Variants in SMIM14 observed in about 807,000 individuals in gnomAD.
The protein encoded by SMIM14 is small integral membrane protein 14, also known as chromosome 4 open reading frame 34.
SMIM14 carries 5 observed loss-of-function variants against 12.6 expected under a neutral mutation model. The ratio of observed to expected loss-of-function variants is 0.40; its 90% CI spans 0.21 to 0.83. SMIM14 has a LOEUF of 0.83. Ranked by LOEUF, SMIM14 falls within the 40% of genes least tolerant of loss-of-function variation. The pLI, the probability that SMIM14 is intolerant of heterozygous loss-of-function variation, is 0.37. For missense variants in SMIM14, 86 were observed against 119.1 expected, an observed-to-expected ratio of 0.72 and a Z score of 1.29; for synonymous variants, 30 against 40.1, an observed-to-expected ratio of 0.75 and a Z score of 0.95.
intron 1 of SMIM14, among the ~76,000 whole-genome samples, chr4:39,611,638 G>A (rs1457657175): frequency 1.3e-5 from 2 of 151,980 alleles, no homozygotes; most frequent in African/African-American, 4.8e-5. Flanking sequence ...TGCCCAGCCT[G>A]GGCAACAGAG....
At chr4:39,576,660 G>GTATATATATATATATATATATA (rs1298743756) in intron 2 of SMIM14, among the ~76,000 whole-genome samples, 3 of 72,378 alleles carry the variant, frequency 4.1e-5, no homozygotes, top group African/African-American at 1.8e-4. Flanking sequence ...GTGTGTATGT[G>GTATATATATATATATATATATA]TATATATATA....
At chr4:39,576,652 GTGTA>G (rs535665584) in intron 2 of SMIM14, among the ~76,000 whole-genome samples, 489 of 30,132 alleles carry the variant, frequency 0.016, 25 homozygotes, top group African/African-American at 0.044. Context: ...CTATGTGTGT[GTGTA>G]TGTGTATATA....
intron 2 of SMIM14, among the ~76,000 whole-genome samples, chr4:39,603,411 T>C (rs1332796785): frequency 6.6e-6 from 1 of 151,704 alleles, no homozygotes; most frequent in Non-Finnish European, 1.5e-5. Flanking sequence ...TACAAAAAAT[T>C]AGCTGGGCAT....
chr4:39,592,010 C>T (rs1714110085), intron 2 of SMIM14, among the ~76,000 whole-genome samples: 1 of 150,514 alleles, frequency 6.6e-6, no homozygotes, highest in Admixed American at 6.7e-5. Context: ...GTAGGCAACA[C>T]AGTGAGACCC....
intron 1 of SMIM14, among the ~76,000 whole-genome samples, chr4:39,624,814 T>G (rs1715626975): frequency 1.3e-5 from 1 of 76,046 alleles, no homozygotes; most frequent in Admixed American, 1.7e-4. Flanking sequence ...AGACACCATC[T>G]CGAAAAAAAA....
chr4:39,567,369 C>T (rs891684012), intron 3 of SMIM14, among the ~76,000 whole-genome samples: 3 of 151,654 alleles, frequency 2.0e-5, no homozygotes, highest in Admixed American at 6.6e-5. Flanking sequence ...TTTGGGAGGC[C>T]AAGGCAGGTG....
chr4:39,569,942 C>T (rs191030877), intron 3 of SMIM14, among the ~76,000 whole-genome samples: 13 of 152,126 alleles, frequency 8.5e-5, no homozygotes, highest in African/African-American at 3.1e-4. Flanking sequence ...CCATTAGTTT[C>T]CTCCCAAATA....
rs541644566 is a variant in SMIM14, at chr4:39,630,705, T to TA, written c.-36+8033dup. ...GGTGAAACCCCATCTCTACTAAAAA[T>TA]ACAAAAATTAGCTGAGCATGGTGGT... On this transcript the variant is annotated intron_variant, in intron 1 of 4. Transcript: ENST00000295958. Among the ~76,000 whole-genome samples the TA allele has an allele frequency of 7.6e-4, 116 of 151,688 alleles. 1 individual carries two copies. Among genetic ancestry groups the TA allele is most frequent in the African/African-American group, 2.8e-3 (114 of 41,402 alleles).
chr4:39,557,624 T>A (rs1282814291), intron 3 of SMIM14, among the ~76,000 whole-genome samples: 1 of 152,174 alleles, frequency 6.6e-6, no homozygotes, highest in Non-Finnish European at 1.5e-5. Context: ...CCTTCATGAT[T>A]GTTCTTTTTG....
chr4:39,601,447 C>T (rs1714608311), intron 2 of SMIM14, among the ~76,000 whole-genome samples: 2 of 152,208 alleles, frequency 1.3e-5, no homozygotes, highest in Non-Finnish European at 2.9e-5. Context: ...TAAATCTGTT[C>T]TGTCATTATA....
At position 39,548,869 on chromosome 4, in the gene SMIM14, A is replaced by G. The variant is rs1470623756; in HGVS notation, c.*3257T>C. 6.6e-6 allele frequency: 1 copy of G among 152,200 alleles called. No individual in the cohort carries two copies. The highest frequency in any genetic ancestry group is 1.5e-5 in the Non-Finnish European group (1 of 68,038). 9.4% of individuals were successfully genotyped at this position (152,200 alleles called of 1,614,324 possible). A position where few individuals can be genotyped will look rare whatever the true frequency, so the allele number is the denominator to read the frequency against. ...TGTAGATGTAATGTCAACTAAGTGC[A>G]TGTGACAGAAATGAAGAACTAGGAA... is the stretch of plus-strand genomic sequence containing the variant. On this transcript the variant is annotated 3_prime_UTR_variant, in exon 5 of 5. Transcript: ENST00000295958.
At position 39,638,601 on chromosome 4, in the gene SMIM14, G is replaced by A. The variant is rs1458205673; in HGVS notation, c.-36+138C>T. 6.1e-6 allele frequency: 6 copies of A among 978,064 alleles called. No homozygotes were observed. In the East Asian group the frequency reaches 4.6e-4, roughly 74 times the overall value. The allele number at this position is 978,064 out of a possible 1,614,324, so 60.6% of individuals were successfully genotyped here. A position where few individuals can be genotyped will look rare whatever the true frequency, so the allele number is the denominator to read the frequency against. On this transcript the variant is annotated intron_variant, in intron 1 of 4. Transcript: ENST00000295958. ...GGTGCAGAATCGCCAGCCCGGCCGA[G>A]GAAACGCCAAGCCCGAGAAACAGCC...
chr4:39,588,479 A>T (rs1370428706), intron 2 of SMIM14, among the ~76,000 whole-genome samples: 1 of 152,184 alleles, frequency 6.6e-6, no homozygotes, highest in African/African-American at 2.4e-5. Flanking sequence ...TGTGCCTTTT[A>T]TGTCTTCCAG....
chr4:39,599,663 C>A (rs893015568), intron 2 of SMIM14, among the ~76,000 whole-genome samples: 4 of 152,138 alleles, frequency 2.6e-5, no homozygotes, highest in Non-Finnish European at 1.5e-5. Flanking sequence ...GTGGCTCACA[C>A]CTGTAATCCC....
chr4:39,612,699 C>T (rs1259765242), intron 1 of SMIM14, among the ~76,000 whole-genome samples: 1 of 152,240 alleles, frequency 6.6e-6, no homozygotes, highest in African/African-American at 2.4e-5. Flanking sequence ...TTGCCAGGCT[C>T]CAGCAATCCT....
intron 3 of SMIM14, among the ~76,000 whole-genome samples, chr4:39,562,139 C>T (rs977232721): frequency 2.0e-5 from 3 of 151,388 alleles, no homozygotes; most frequent in Non-Finnish European, 1.5e-5. Context: ...TCTAGGAGGC[C>T]GAGGCAGGAG....
chr4:39,608,886 A>G (rs1281558185), intron 1 of SMIM14, among the ~76,000 whole-genome samples: 1 of 152,230 alleles, frequency 6.6e-6, no homozygotes, highest in Non-Finnish European at 1.5e-5. Flanking sequence ...TGTGTATAGG[A>G]TCTTTCAGGG....
At chr4:39,615,732 A>G (rs553844450) in intron 1 of SMIM14, among the ~76,000 whole-genome samples, 3 of 152,196 alleles carry the variant, frequency 2.0e-5, no homozygotes, top group African/African-American at 7.2e-5. Context: ...GATGTGGATC[A>G]ATGAAACAAG....
chr4:39,553,754 T>C (rs980828517), intron 4 of SMIM14, among the ~76,000 whole-genome samples: 4 of 151,928 alleles, frequency 2.6e-5, no homozygotes, highest in Non-Finnish European at 5.9e-5. Flanking sequence ...CCACCATGCC[T>C]GGCTAATTTT....
Sources: allele counts gnomAD v4.1 joint callset (sites outside exome capture counted in the v4.1 genomes callset), GRCh38; gene constraint gnomAD v4.1.1; transcripts MANE v1.5; gene names NCBI Gene and HGNC (gene_info 2026-07-23, HGNC 2026-07-21).